EMC8: variants seen among roughly 807,000 people sequenced by gnomAD.
EMC8 encodes ER membrane protein complex subunit 8, also known as COX4 neighbor.
Under a neutral mutation model 24.3 loss-of-function variants are expected in EMC8, and 11 were observed. The observed-to-expected ratio is 0.45, with a 90% confidence interval of 0.28 to 0.75. The LOEUF (loss-of-function observed/expected upper bound fraction) is 0.75, where lower values mean the gene tolerates loss of function less well. Among genes scored for constraint, EMC8 ranks in the 30% least tolerant of loss-of-function variants. EMC8 has a pLI of 0.12. For missense variants in EMC8, 277 were observed against 282.7 expected, an observed-to-expected ratio of 0.98 and a Z score of 0.14; for synonymous variants, 145 against 117.7, an observed-to-expected ratio of 1.23 and a Z score of -1.50.
chr16:85,779,842 C>T lies in EMC8; in HGVS notation c.499G>A (p.Ala167Thr). 2.5e-6 allele frequency: 4 copies of T among 1,614,120 alleles called. No homozygotes were observed. Among genetic ancestry groups the T allele is most frequent in the Non-Finnish European group, 3.4e-6 (4 of 1,180,012 alleles). ...AGGAGCGAGGCTGAGATCCTCTGTG[C>T]CTCTGGCCAGTCTTCACAGTAGTCA... ...HHDYCEDWPE[A>T]QRISASLLDS... Residue 167 changes from alanine to threonine, a missense_variant, in exon 5 of 5, where the codon GCA becomes ACA. Coordinates refer to ENST00000253457, the MANE Select transcript of EMC8 (RefSeq NM_006067.5).
chr16:85,785,443 G>A (rs1003686810), intron 2 of EMC8, among the ~76,000 whole-genome samples: 3 of 152,070 alleles, frequency 2.0e-5, no homozygotes, highest in Non-Finnish European at 2.9e-5. Context: ...GGTGGCAGGT[G>A]CCTGTAATTC....
At chr16:85,798,902 A>T (rs1905422641) in intron 1 of EMC8, 163 bp downstream of exon 1, 1 of 577,938 alleles carries the variant, frequency 1.7e-6, no homozygotes, top group Admixed American at 3.0e-5. Flanking sequence ...ATTCAGCGCC[A>T]AGACCCAAGC....
Position 85,799,385 on chromosome 16 carries a change from G to GGACGAGGCGGCGGCGATTGAT in EMC8, c.-111_-91dup. On this transcript the variant is annotated 5_prime_UTR_variant, in exon 1 of 5. Coordinates refer to ENST00000253457, the MANE Select transcript of EMC8 (RefSeq NM_006067.5). This position sits in a 1 kb window ranked among gnomAD's most constrained non-coding sequence, Gnocchi z 4.2. ...CGCGCGGCGCCTCAGCCGAGAAGCG[G>GGACGAGGCGGCGGCGATTGAT]GACGAGGCGGCGGCGATTGATGGCG... 5.0e-6 allele frequency: 4 copies of GGACGAGGCGGCGGCGATTGAT among 803,044 alleles called. No homozygotes were observed. Among genetic ancestry groups the GGACGAGGCGGCGGCGATTGAT allele is most frequent in the Non-Finnish European group, 7.1e-6 (4 of 561,244 alleles). The allele number at this position is 803,044 out of a possible 1,614,324, so 49.7% of individuals were successfully genotyped here. A position where few individuals can be genotyped will look rare whatever the true frequency, so the allele number is the denominator to read the frequency against.
At chr16:85,786,179 C>T (rs1336836987) in intron 2 of EMC8, among the ~76,000 whole-genome samples, 5 of 152,242 alleles carry the variant, frequency 3.3e-5, no homozygotes, top group Admixed American at 2.6e-4. Flanking sequence ...CTCCATTTTA[C>T]AGACAGGGCC....
rs66645296 is a variant in EMC8, at chr16:85,779,333, CTTT to C, written c.*372_*374del. On this transcript the variant is annotated 3_prime_UTR_variant, in exon 5 of 5. Coordinates refer to ENST00000253457, the MANE Select transcript of EMC8 (RefSeq NM_006067.5). ...CACTCATTGGAGTATAAGATGTGGGCTTTTTTTTTTTTTTTTAAAAAAAGATAG... is the reference window on the plus strand; with the variant it reads ...CACTCATTGGAGTATAAGATGTGGGCTTTTTTTTTTTTTAAAAAAAGATAG... 3,269 of 152,426 alleles carry C rather than the reference CTTT, an allele frequency of 0.021. 25 individuals are homozygous for C. Among genetic ancestry groups the C allele is most frequent in the African/African-American group, 0.038 (1,483 of 39,284 alleles). The allele number at this position is 152,426 out of a possible 1,614,324, so 9.4% of individuals were successfully genotyped here.
intron 1 of EMC8, chr16:85,792,673 A>C (rs1301109840): frequency 1.3e-5 from 2 of 152,308 alleles, no homozygotes; most frequent in East Asian, 3.8e-4. Flanking sequence ...TGTGGCAGCC[A>C]GGTCTCCAGT....
intron 1 of EMC8, among the ~76,000 whole-genome samples, chr16:85,795,297 C>G (rs1015320545): frequency 1.3e-5 from 2 of 152,228 alleles, no homozygotes; most frequent in African/African-American, 4.8e-5. Context: ...TCTCCCACTC[C>G]TGGGCTGGTC....
chr16:85,780,395 A>T lies in EMC8; in HGVS notation c.457T>A (p.Cys153Ser). Reference protein sequence around the residue: ...VYEHHENRWRCRDPHHDYCED... With the variant: ...VYEHHENRWRSRDPHHDYCED... ...CGCACTCACTGGTGTGGGTCTCTGCACCGCCATCTGTTCTCATGGTGCTCG... is the reference window on the plus strand; with the variant it reads ...CGCACTCACTGGTGTGGGTCTCTGCTCCGCCATCTGTTCTCATGGTGCTCG... The change falls in exon 4 of 5, where the codon TGC becomes AGC. Residue 153 changes from cysteine (C) to serine (S), a missense_variant. Physicochemically the swap from Cys to Ser is moderately radical, Grantham distance 112. Coordinates refer to ENST00000253457, the MANE Select transcript of EMC8 (RefSeq NM_006067.5). 1 of 1,614,074 alleles carries T rather than the reference A, an allele frequency of 6.2e-7. No individual in the cohort carries two copies. Among genetic ancestry groups the T allele is most frequent in the Non-Finnish European group, 8.5e-7 (1 of 1,179,916 alleles).
intron 1 of EMC8, among the ~76,000 whole-genome samples, chr16:85,796,101 C>G (rs1905235984): frequency 6.6e-6 from 1 of 152,158 alleles, no homozygotes; most frequent in Non-Finnish European, 1.5e-5. Context: ...GGTTCTCAAT[C>G]TACATCCATC....
chr16:85,799,205 C>G lies in EMC8; in HGVS notation c.91G>C (p.Val31Leu), dbSNP rs1403357900. The change falls in exon 1 of 5, where the codon GTG (valine) becomes CTG (leucine). Residue 31 changes from valine (V) to leucine (L), a missense_variant. Transcript: ENST00000253457. The surrounding 1 kb of genome is among the most constrained non-coding windows in gnomAD (Gnocchi z 4.2). ...TTACGCGGCTTCTGCTTCTCGGCCACCAGGAGCCCGTTGACGGCGCAGTGC... is the reference window on the plus strand; with the variant it reads ...TTACGCGGCTTCTGCTTCTCGGCCAGCAGGAGCCCGTTGACGGCGCAGTGC... Reference protein sequence around the residue: ...YPHCAVNGLLVAEKQKPRKEH... With the variant: ...YPHCAVNGLLLAEKQKPRKEH... 1.5e-5 allele frequency: 24 copies of G among 1,613,364 alleles called. No individual in the cohort carries two copies. The highest frequency in any genetic ancestry group is 1.9e-5 in the Non-Finnish European group (23 of 1,179,888).
chr16:85,793,448 A>G (rs1466033384), intron 1 of EMC8, among the ~76,000 whole-genome samples: 1 of 152,152 alleles, frequency 6.6e-6, no homozygotes, highest in Non-Finnish European at 1.5e-5. Flanking sequence ...ATGAAAGAAG[A>G]GCTTGGGAGG....
chr16:85,789,385 A>C (rs1904902226), intron 1 of EMC8, among the ~76,000 whole-genome samples: 1 of 152,228 alleles, frequency 6.6e-6, no homozygotes, highest in South Asian at 2.1e-4. Flanking sequence ...AGAAATGCTT[A>C]AAATTATTTA....
At position 85,799,057 on chromosome 16, in the gene EMC8, G is replaced by C; in HGVS notation, c.231+8C>G. The C allele has an allele frequency of 6.5e-7, 1 of 1,529,716 alleles. No homozygotes were observed. Among genetic ancestry groups the C allele is most frequent in the African/African-American group, 1.4e-5 (1 of 72,816 alleles). 94.8% of individuals were successfully genotyped at this position (1,529,716 alleles called of 1,614,324 possible). On this transcript the variant is annotated splice_region_variant and intron_variant, in intron 1 of 4. Transcript: ENST00000253457. This position sits in a 1 kb window ranked among gnomAD's most constrained non-coding sequence, Gnocchi z 4.2. ...CCTGCAAGGGGAAGGGGCCCTTTCC[G>C]CGCTTACCAGGGTGAGAGCCACCTC...
intron 1 of EMC8, 135 bp downstream of exon 1, chr16:85,798,930 C>T (rs1006271260): frequency 1.6e-6 from 1 of 624,532 alleles, no homozygotes; most frequent in Non-Finnish European, 2.8e-6. Context: ...TGGATCACCC[C>T]ATTCCTGGCC....
Position 85,793,219 on chromosome 16 carries a change from C to T in EMC8, c.232-4169G>A, listed in dbSNP as rs1047452310. Among the ~76,000 whole-genome samples the T allele has an allele frequency of 4.6e-5, 7 of 152,200 alleles. No individual in the cohort carries two copies. In the East Asian group the frequency reaches 5.8e-4, roughly 13 times the overall value. ...TGCTAAAATCTGCACTATCCCCCCA[C>T]GCCCCTTGTGACTGTACAATAACCG... On this transcript the variant is annotated intron_variant, in intron 1 of 4. Transcript: ENST00000253457.
chr16:85,779,621 C>T lies in EMC8; in HGVS notation c.*87G>A, dbSNP rs1904393870. ...TAAAACGGTCAGCTTTCCACACAGG[C>T]TACAAGATATTTTATTTACATTTAA... On this transcript the variant is annotated 3_prime_UTR_variant, in exon 5 of 5. Coordinates refer to ENST00000253457, the MANE Select transcript of EMC8 (RefSeq NM_006067.5). 2.2e-6 allele frequency: 3 copies of T among 1,388,576 alleles called. No individual in the cohort carries two copies. Among genetic ancestry groups the T allele is most frequent in the South Asian group, 2.4e-5 (2 of 82,412 alleles). The allele number at this position is 1,388,576 out of a possible 1,614,324, so 86.0% of individuals were successfully genotyped here.
At position 85,779,148 on chromosome 16, in the gene EMC8, AC is replaced by A. The variant is rs1904373525; in HGVS notation, c.*559del. On this transcript the variant is annotated 3_prime_UTR_variant, in exon 5 of 5. Coordinates refer to ENST00000253457, the MANE Select transcript of EMC8 (RefSeq NM_006067.5). Reference sequence around the variant, plus strand: ...AGTTGCGGTGGCTCTGTGAGCCGACACCATGTGGAGCAGTGCTGTTCACAGC... The same window carrying A: ...AGTTGCGGTGGCTCTGTGAGCCGACACATGTGGAGCAGTGCTGTTCACAGC... 1 of 152,342 alleles carries A rather than the reference AC, an allele frequency of 6.6e-6. No homozygotes were observed. Among genetic ancestry groups the A allele is most frequent in the African/African-American group, 2.4e-5 (1 of 41,440 alleles). 9.4% of individuals were successfully genotyped at this position (152,342 alleles called of 1,614,324 possible).
At position 85,780,332 on chromosome 16, in the gene EMC8, G is replaced by A. The variant is rs368787867; in HGVS notation, c.473+47C>T. The A allele has an allele frequency of 2.5e-5, 36 of 1,421,320 alleles. 1 individual carries two copies. Among genetic ancestry groups the A allele is most frequent in the African/African-American group, 1.4e-4 (10 of 71,400 alleles). The allele number at this position is 1,421,320 out of a possible 1,614,324, so 88.0% of individuals were successfully genotyped here. On this transcript the variant is annotated intron_variant, in intron 4 of 4. Transcript: ENST00000253457. ...GGGTGAGAGTGGCTCTCACGTGGCC[G>A]GGCGCTGAAGGAGCCCAGCCCGCGC...
At position 85,799,384 on chromosome 16, in the gene EMC8, G is replaced by C. The variant is rs532217840; in HGVS notation, c.-89C>G. Reference sequence around the variant, plus strand: ...CCGCGCGGCGCCTCAGCCGAGAAGCGGGACGAGGCGGCGGCGATTGATGGC... The same window carrying C: ...CCGCGCGGCGCCTCAGCCGAGAAGCCGGACGAGGCGGCGGCGATTGATGGC... On this transcript the variant is annotated 5_prime_UTR_variant, in exon 1 of 5. Transcript: ENST00000253457. This position sits in a 1 kb window ranked among gnomAD's most constrained non-coding sequence, Gnocchi z 4.2. 1.1e-4 allele frequency: 85 copies of C among 799,790 alleles called. No individual in the cohort carries two copies. The highest frequency in any genetic ancestry group is 9.9e-4 in the African/African-American group (54 of 54,374). 49.5% of individuals were successfully genotyped at this position (799,790 alleles called of 1,614,324 possible). A position where few individuals can be genotyped will look rare whatever the true frequency, so the allele number is the denominator to read the frequency against.
Sources: allele counts gnomAD v4.1 joint callset (sites outside exome capture counted in the v4.1 genomes callset), GRCh38; gene constraint gnomAD v4.1.1; non-coding constraint Gnocchi (gnomAD v3.1); transcripts MANE v1.5; gene names NCBI Gene and HGNC (gene_info 2026-07-23, HGNC 2026-07-21).